Variants in EPHB1 observed in about 807,000 individuals in gnomAD.
EPHB1 encodes the protein EPH receptor B1.
EPHB1 carries 30 observed loss-of-function variants against 94.4 expected under a neutral mutation model. The ratio of observed to expected loss-of-function variants is 0.32; its 90% confidence interval spans 0.24 to 0.43. EPHB1 has a LOEUF of 0.43. Ranked by LOEUF, EPHB1 falls within the 20% of genes least tolerant of loss-of-function variation. EPHB1 has a pLI of 1.00. For synonymous variants in EPHB1, 522 were observed against 489.1 expected (o/e 1.07, Z -0.89); for missense variants, 1,055 against 1,308.3 (o/e 0.81, Z 2.99).
chr3:134,854,551 T>C (rs1578139819), intron 1 of EPHB1, among the ~76,000 whole-genome samples: 1 of 152,252 alleles, frequency 6.6e-6, no homozygotes, highest in East Asian at 1.9e-4. Flanking sequence ...CAGCATTCAT[T>C]GCATCACAGA....
At chr3:135,030,633 C>A (rs1221697664) in intron 3 of EPHB1, among the ~76,000 whole-genome samples, 5 of 152,238 alleles carry the variant, frequency 3.3e-5, no homozygotes, top group Admixed American at 3.3e-4. Flanking sequence ...TCGAAGCTGT[C>A]AGACAGGGAC....
intron 3 of EPHB1, among the ~76,000 whole-genome samples, chr3:134,968,969 G>A (rs1283612473): frequency 1.3e-5 from 2 of 152,222 alleles, no homozygotes; most frequent in African/African-American, 2.4e-5. Context: ...GTTGAGGAGA[G>A]TGTGGATTGT....
intron 4 of EPHB1, among the ~76,000 whole-genome samples, chr3:135,131,406 A>G (rs904213521): frequency 1.3e-5 from 2 of 152,174 alleles, no homozygotes; most frequent in African/African-American, 4.8e-5. Context: ...TGTCTCCAGC[A>G]TGAACCACTT....
At chr3:135,162,297 TTCCCTTCAAAC>T in intron 7 of EPHB1, 117 bp downstream of exon 7, 1 of 1,219,774 alleles carries the variant, frequency 8.2e-7, no homozygotes, top group African/African-American at 1.5e-5. Context: ...TCCAGTGGAA[TTCCCTTCAAAC>T]GGTTTGCCTC....
At chr3:135,241,915 G>C (rs1943793584) in intron 13 of EPHB1, among the ~76,000 whole-genome samples, 2 of 152,188 alleles carry the variant, frequency 1.3e-5, no homozygotes, top group South Asian at 4.1e-4. Context: ...CCACAGGAGA[G>C]GGTCCCTGTC....
intron 1 of EPHB1, among the ~76,000 whole-genome samples, chr3:134,896,139 T>C (rs1240019392): frequency 2.6e-5 from 4 of 152,134 alleles, no homozygotes; most frequent in Non-Finnish European, 4.4e-5. Flanking sequence ...TTGTGGCATG[T>C]TGAGGCCAGG....
chr3:135,039,597 C>G (rs376319590), intron 3 of EPHB1, among the ~76,000 whole-genome samples: 1 of 152,228 alleles, frequency 6.6e-6, no homozygotes, highest in East Asian at 1.9e-4. Context: ...TAAGGCCCGG[C>G]GAGAAATCGA....
intron 1 of EPHB1, among the ~76,000 whole-genome samples, chr3:134,851,661 C>G (rs922053202): frequency 8.5e-5 from 13 of 152,196 alleles, no homozygotes; most frequent in African/African-American, 3.1e-4. Flanking sequence ...CCTGTGGACA[C>G]TGTGGCCATT....
At chr3:135,010,114 T>C (rs1431632763) in intron 3 of EPHB1, among the ~76,000 whole-genome samples, 2 of 152,222 alleles carry the variant, frequency 1.3e-5, no homozygotes, top group East Asian at 3.8e-4. Context: ...TTGATTTGAA[T>C]TTAATAGATT....
At chr3:135,169,766 G>C (rs1272080839) in intron 9 of EPHB1, among the ~76,000 whole-genome samples, 1 of 152,192 alleles carries the variant, frequency 6.6e-6, no homozygotes, top group African/African-American at 2.4e-5. Context: ...ACCACTCTAA[G>C]AGAAAGGAAC....
Position 134,795,500 on chromosome 3 carries a change from G to A in EPHB1, c.-132G>A. On this transcript the variant is annotated 5_prime_UTR_variant, in exon 1 of 16. Transcript: ENST00000398015. ...CCACGCCCACGCAGCGCTCCGGGAA[G>A]TCCGGTCCGGGCGAGAGCGCGAAAG... 1 of 863,622 alleles carries A rather than the reference G, an allele frequency of 1.2e-6. No individual in the cohort carries two copies. The highest frequency in any genetic ancestry group is 1.7e-5 in the South Asian group (1 of 58,172). 53.5% of individuals were successfully genotyped at this position (863,622 alleles called of 1,614,324 possible).
At chr3:135,257,747 C>A (rs370883275) in intron 15 of EPHB1, among the ~76,000 whole-genome samples, 53 of 149,378 alleles carry the variant, frequency 3.5e-4, no homozygotes, top group East Asian at 1.8e-3. Flanking sequence ...CCACCCAGTT[C>A]GAGCTTCCCG....
chr3:135,071,364 T>G (rs1207143822), intron 3 of EPHB1, among the ~76,000 whole-genome samples: 2 of 152,056 alleles, frequency 1.3e-5, no homozygotes, highest in Admixed American at 6.6e-5. Flanking sequence ...ATTTGGGAGC[T>G]CAAAGGAGGC....
chr3:135,147,754 G>A (rs59686685), intron 5 of EPHB1, among the ~76,000 whole-genome samples: 22 of 152,160 alleles, frequency 1.4e-4, no homozygotes, highest in Admixed American at 6.5e-4. Context: ...AGCATTTGCC[G>A]TCTAGAAGAG....
intron 11 of EPHB1, among the ~76,000 whole-genome samples, chr3:135,197,876 C>G (rs999188245): frequency 6.6e-6 from 1 of 151,322 alleles, no homozygotes; most frequent in African/African-American, 2.4e-5. Context: ...TCTGGAAGTT[C>G]TTTTTGGAGA....
At chr3:134,977,819 C>A in intron 3 of EPHB1, 1 of 354,420 alleles carries the variant, frequency 2.8e-6, no homozygotes, top group South Asian at 2.2e-5. Context: ...AGAGGCCTGA[C>A]CCCAGGAGAT....
chr3:134,898,269 A>T (rs886442619), intron 1 of EPHB1, among the ~76,000 whole-genome samples: 1 of 152,128 alleles, frequency 6.6e-6, no homozygotes, highest in African/African-American at 2.4e-5. Context: ...CTATAAATGG[A>T]TGTCATTAAC....
Position 134,951,341 on chromosome 3 carries a change from A to T in EPHB1, c.124-30A>T, listed in dbSNP as rs777463411. On this transcript the variant is annotated intron_variant, in intron 2 of 15. Transcript: ENST00000398015. The surrounding 1 kb of genome is among the most constrained non-coding windows in gnomAD (Gnocchi z 4.5). Reference sequence around the variant, plus strand: ...CTCACTCTCTATTTTGTGTTTTTGCATGTGTGTGCCTGTGGCCTGCTATGT... The same window carrying T: ...CTCACTCTCTATTTTGTGTTTTTGCTTGTGTGTGCCTGTGGCCTGCTATGT... 1.3e-6 allele frequency: 2 copies of T among 1,508,318 alleles called. No homozygotes were observed. The highest frequency in any genetic ancestry group is 1.4e-5 in the South Asian group (1 of 73,382). 93.4% of individuals were successfully genotyped at this position (1,508,318 alleles called of 1,614,324 possible). A position where few individuals can be genotyped will look rare whatever the true frequency, so the allele number is the denominator to read the frequency against.
rs565295111 is a variant in EPHB1 at position 135,052,408 on chromosome 3, G to GA, written c.806-54035dup. Among the ~76,000 whole-genome samples the GA allele has an allele frequency of 3.4e-4, 52 of 152,224 alleles. 1 individual carries two copies. The South Asian group carries it at 0.011, about 31-fold the overall frequency. Reference sequence around the variant, plus strand: ...GAAGAAAAGGCTGGTTAGAGAAAGAGAAAAAGGAAACAATGTTTGCTTTTT... The same window carrying GA: ...GAAGAAAAGGCTGGTTAGAGAAAGAGAAAAAAGGAAACAATGTTTGCTTTTT... On this transcript the variant is annotated intron_variant, in intron 3 of 15. Transcript: ENST00000398015.
Sources: gnomAD v4.1 joint callset for allele counts (sites outside exome capture counted in the v4.1 genomes callset) on GRCh38, gnomAD v4.1.1 for gene constraint, Gnocchi (gnomAD v3.1) non-coding constraint, MANE v1.5 for transcripts, NCBI Gene and HGNC (gene_info 2026-07-23, HGNC 2026-07-21) for gene names.